Variants in EPS15L1 observed in about 807,000 individuals in gnomAD.
EPS15L1 encodes the protein epidermal growth factor receptor substrate 15-like 1.
EPS15L1 carries 43 observed loss-of-function variants against 117.1 expected under a neutral mutation model. The ratio of observed to expected loss-of-function variants is 0.37; its 90% CI spans 0.29 to 0.47. The LOEUF is 0.47. Among genes scored for constraint, EPS15L1 ranks in the 20% least tolerant of loss-of-function variants. The pLI, the probability that EPS15L1 is intolerant of heterozygous loss-of-function variation, is 0.99. For synonymous variants in EPS15L1, 459 were observed against 470.5 expected (o/e 0.98, Z 0.32); for missense variants, 981 against 1,164.0 (o/e 0.84, Z 2.29).
At chr19:16,379,291 G>GA (rs1238872068) in intron 21 of EPS15L1, among the ~76,000 whole-genome samples, 1 of 152,078 alleles carries the variant, frequency 6.6e-6, no homozygotes, top group Admixed American at 6.6e-5. Flanking sequence ...GCAACAGAGC[G>GA]AGACTCCATC....
At position 16,403,849 on chromosome 19, in the gene EPS15L1, C is replaced by T. The variant is rs1295704042; in HGVS notation, c.1510G>A (p.Glu504Lys). The T allele has an allele frequency of 2.5e-6, 4 of 1,614,062 alleles. No individual in the cohort carries two copies. The highest frequency in any genetic ancestry group is 1.3e-5 in the African/African-American group (1 of 74,938). ...QEDDLNRAKS[E>K]LNRLQQEETQ... Reference sequence around the variant, plus strand: ...TCCTCCTGCTGCAATCGGTTCAGCTCCGACTTGGCTCGGTTCAGATCGTCT... The same window carrying T: ...TCCTCCTGCTGCAATCGGTTCAGCTTCGACTTGGCTCGGTTCAGATCGTCT... The change falls in exon 15 of 24, where the codon GAG becomes AAG. Residue 504 changes from glutamate (E) to lysine (K), a missense_variant. Glu to Lys is a moderately conservative substitution (Grantham distance 56). Coordinates refer to ENST00000455140, the MANE Select transcript of EPS15L1 (RefSeq NM_001258374.3).
In EPS15L1 at chr19:16,404,442, C is replaced by T; in HGVS notation, c.1428+146G>A. On this transcript the variant is annotated intron_variant, in intron 14 of 23. Coordinates refer to ENST00000455140, the MANE Select transcript of EPS15L1 (RefSeq NM_001258374.3). The surrounding 1 kb of genome is among the most constrained non-coding windows in gnomAD (Gnocchi z 4.2). ...GGAAGTCAAGCCACAGGTGCTTGGA[C>T]ACTTTTCCACGTGGTGTTTGGAGGA... The T allele has an allele frequency of 3.3e-6, 3 of 906,804 alleles. No individual in the cohort carries two copies. Among genetic ancestry groups the T allele is most frequent in the East Asian group, 2.6e-5 (1 of 38,294 alleles). The allele number at this position is 906,804 out of a possible 1,614,324, so 56.2% of individuals were successfully genotyped here. A position where few individuals can be genotyped will look rare whatever the true frequency, so the allele number is the denominator to read the frequency against.
At chr19:16,460,386 C>T (rs893902383) in intron 1 of EPS15L1, among the ~76,000 whole-genome samples, 7 of 152,158 alleles carry the variant, frequency 4.6e-5, no homozygotes, top group South Asian at 2.1e-4. Context: ...CCTGTAAAAA[C>T]CCACTTAGTG....
intron 22 of EPS15L1, among the ~76,000 whole-genome samples, chr19:16,374,773 C>T: frequency 6.6e-6 from 1 of 152,224 alleles, no homozygotes; most frequent in East Asian, 1.9e-4. Context: ...AGTGTGTGCA[C>T]CCATATGAGA....
intron 7 of EPS15L1, among the ~76,000 whole-genome samples, chr19:16,431,257 T>A (rs542423551): frequency 2.6e-5 from 4 of 151,424 alleles, no homozygotes; most frequent in East Asian, 1.9e-4. Context: ...AACTTTTTTT[T>A]AATAAATAAA....
At chr19:16,387,053 CTG>C (rs2092427461) in intron 19 of EPS15L1, among the ~76,000 whole-genome samples, 1 of 152,176 alleles carries the variant, frequency 6.6e-6, no homozygotes, top group African/African-American at 2.4e-5. Context: ...TGGTGGAACT[CTG>C]AGACAGGGAC....
At chr19:16,382,397 C>A (rs1233997110) in intron 21 of EPS15L1, among the ~76,000 whole-genome samples, 1 of 152,160 alleles carries the variant, frequency 6.6e-6, no homozygotes, top group Admixed American at 6.5e-5. Context: ...CAGGGGCTCT[C>A]TGGGCTCGGC....
chr19:16,440,856 A>G lies in EPS15L1; in HGVS notation c.213+6T>C. ...CTCCATTTGCTCTGTGTACATGTGT[A>G]TATACCTGTTTGTCCAAGAACCCTT... On this transcript the variant is annotated splice_donor_region_variant and intron_variant, in intron 4 of 23. Transcript: ENST00000455140. 6.2e-7 allele frequency: 1 copy of G among 1,614,028 alleles called. No individual in the cohort carries two copies. The highest frequency in any genetic ancestry group is 8.5e-7 in the Non-Finnish European group (1 of 1,179,912).
chr19:16,386,097 A>G, intron 20 of EPS15L1, 74 bp downstream of exon 20: 1 of 1,156,650 alleles, frequency 8.6e-7, no homozygotes, highest in South Asian at 1.3e-5. Flanking sequence ...TTTGGGAGTG[A>G]AAGTGTTAAC....
intron 13 of EPS15L1, 123 bp downstream of exon 13, chr19:16,413,650 C>T: frequency 1.2e-6 from 1 of 831,758 alleles, no homozygotes; most frequent in Non-Finnish European, 2.0e-6. Context: ...CTGCAGCCCC[C>T]AAGAGCTCAT....
intron 8 of EPS15L1, among the ~76,000 whole-genome samples, chr19:16,427,129 G>A (rs2092880336): frequency 6.6e-6 from 1 of 152,226 alleles, no homozygotes; most frequent in Admixed American, 6.5e-5. Flanking sequence ...ACAAATGTAG[G>A]AAATTAGTGA....
intron 16 of EPS15L1, 146 bp from the exon 17 acceptor site, chr19:16,395,613 G>C: frequency 1.2e-6 from 1 of 858,540 alleles, no homozygotes; most frequent in Non-Finnish European, 1.8e-6. Context: ...GGCTGGCCTG[G>C]GCAACATAGC....
intron 22 of EPS15L1, among the ~76,000 whole-genome samples, chr19:16,362,974 T>C (rs532670451): frequency 2.0e-5 from 3 of 152,132 alleles, no homozygotes; most frequent in African/African-American, 7.2e-5. Flanking sequence ...TGTTCAGAAA[T>C]GGAGGAAAAT....
chr19:16,463,649 T>C (rs2093274048), intron 1 of EPS15L1, among the ~76,000 whole-genome samples: 1 of 152,160 alleles, frequency 6.6e-6, no homozygotes, highest in Non-Finnish European at 1.5e-5. Flanking sequence ...CAAACAAGGA[T>C]GAATAAAACA....
intron 1 of EPS15L1, among the ~76,000 whole-genome samples, chr19:16,466,720 T>C (rs753390827): frequency 2.6e-5 from 4 of 151,918 alleles, no homozygotes; most frequent in Non-Finnish European, 4.4e-5. Flanking sequence ...CTAGGCAACA[T>C]AGTGAAACTC....
At position 16,440,897 on chromosome 19, in the gene EPS15L1, C is replaced by T; in HGVS notation, c.178G>A (p.Ala60Thr). Residue 60 changes from alanine (A) to threonine (T), a missense_variant, in exon 4 of 24, where the codon GCC becomes ACC. Physicochemically the swap from Ala to Thr is moderately conservative, Grantham distance 58 (BLOSUM62 0). Coordinates refer to ENST00000455140, the MANE Select transcript of EPS15L1 (RefSeq NM_001258374.3). ...DIILGKIWDL[A>T]DPEGKGFLDK... ...AAGAACCCTTTACCTTCTGGATCGGCCAAGTCCCATATCTGCGGAAACACA... is the reference window on the plus strand; with the variant it reads ...AAGAACCCTTTACCTTCTGGATCGGTCAAGTCCCATATCTGCGGAAACACA... 1 of 1,614,194 alleles carries T rather than the reference C, an allele frequency of 6.2e-7. No individual in the cohort carries two copies. Among genetic ancestry groups the T allele is most frequent in the Non-Finnish European group, 8.5e-7 (1 of 1,180,012 alleles).
chr19:16,408,460 A>G (rs990346043), intron 13 of EPS15L1, among the ~76,000 whole-genome samples: 1 of 144,888 alleles, frequency 6.9e-6, no homozygotes, highest in Non-Finnish European at 1.5e-5. Flanking sequence ...CCAGTAAAAT[A>G]CAAATTTGTA....
At position 16,428,684 on chromosome 19, in the gene EPS15L1, G is replaced by A; in HGVS notation, c.558+18C>T. 1 of 1,608,232 alleles carries A rather than the reference G, an allele frequency of 6.2e-7. No individual in the cohort carries two copies. The highest frequency in any genetic ancestry group is 8.5e-7 in the Non-Finnish European group (1 of 1,176,906). ...ATTTCCTTCCTGGGCTGGGTGGGGA[G>A]GAAACAGCAGGACTTACCACAGCGA... On this transcript the variant is annotated intron_variant, in intron 8 of 23. Transcript: ENST00000455140.
rs781674469 is a variant in EPS15L1 at position 16,392,398 on chromosome 19, C to T, written c.2009G>A (p.Arg670His). The T allele has an allele frequency of 9.3e-6, 15 of 1,614,018 alleles. No individual in the cohort carries two copies. In the East Asian group the frequency reaches 1.1e-4, roughly 12 times the overall value. ...GDPFKESDPFRGSATDDFFKK... is the reference protein window; with the variant it reads ...GDPFKESDPFHGSATDDFFKK... ...GAAGAAGTCGTCAGTGGCAGAGCCA[C>T]GGAATGGGTCACTTTCTTTGAAAGG... Residue 670 changes from arginine (R) to histidine (H), a missense_variant, in exon 19 of 24, where the codon CGT (arginine) becomes CAT (histidine). Arg to His is a conservative substitution (Grantham distance 29). Around this residue, in one of 5 missense-constraint regions of EPS15L1, gnomAD observed 819 missense variants for 949.0 expected, o/e 0.86. Transcript: ENST00000455140.
Sources: allele counts gnomAD v4.1 joint callset (sites outside exome capture counted in the v4.1 genomes callset), GRCh38; gene constraint gnomAD v4.1.1; regional missense constraint gnomAD v4.1.1; non-coding constraint Gnocchi (gnomAD v3.1); transcripts MANE v1.5; gene names NCBI Gene and HGNC (gene_info 2026-07-23, HGNC 2026-07-21).